The following CAP2 variants were observed in gnomAD, a reference collection of about 807,000 sequenced individuals.
The protein encoded by CAP2 is adenylyl cyclase-associated protein 2.
Under a neutral mutation model 57.7 loss-of-function variants are expected in CAP2, and 24 were observed. That is an observed-to-expected ratio of 0.42 (90% CI 0.30 to 0.58). The LOEUF (loss-of-function observed/expected upper bound fraction) is 0.58. Among genes scored for constraint, CAP2 ranks in the 20% least tolerant of loss-of-function variants. CAP2 has a pLI of 0.22. For synonymous variants in CAP2, 194 were observed against 207.2 expected, an observed-to-expected ratio of 0.94 and a Z score of 0.55; for missense variants, 501 against 590.3, an observed-to-expected ratio of 0.85 and a Z score of 1.57.
In CAP2 at chr6:17,513,595, C is replaced by A. The variant is rs1277808167; in HGVS notation, c.531-254C>A. Reference sequence around the variant, plus strand: ...AAGTCAGCTTAGCTCTGTCGGGTCCCCTCTCTGTGGTACCTCTGCTCCATA... The same window carrying A: ...AAGTCAGCTTAGCTCTGTCGGGTCCACTCTCTGTGGTACCTCTGCTCCATA... On this transcript the variant is annotated intron_variant, in intron 6 of 12. Transcript: ENST00000229922. This position sits in a 1 kb window ranked among gnomAD's most constrained non-coding sequence, Gnocchi z 4.3. 6.6e-6 allele frequency among the ~76,000 whole-genome samples: 1 copy of A among 152,078 alleles called. No homozygotes were observed. Among genetic ancestry groups the A allele is most frequent in the East Asian group, 1.9e-4 (1 of 5,170 alleles).
intron 11 of CAP2, among the ~76,000 whole-genome samples, chr6:17,550,246 AAAATAAAT>A (rs10629532): frequency 6.6e-6 from 1 of 151,230 alleles, no homozygotes; most frequent in Non-Finnish European, 1.5e-5. Context: ...ACTCTATCTC[AAAATAAAT>A]AAATAAATAA....
chr6:17,411,381 C>T (rs1468678721), intron 1 of CAP2, among the ~76,000 whole-genome samples: 1 of 152,130 alleles, frequency 6.6e-6, no homozygotes, highest in Non-Finnish European at 1.5e-5. Flanking sequence ...CAGTTTAAAC[C>T]AACTGTCCCA....
intron 7 of CAP2, among the ~76,000 whole-genome samples, chr6:17,527,392 A>G (rs1762535896): frequency 6.6e-6 from 1 of 152,128 alleles, no homozygotes; most frequent in Non-Finnish European, 1.5e-5. Flanking sequence ...ATTTAATTTT[A>G]TCTTTCCTTT....
chr6:17,471,551 G>C (rs955209905), intron 4 of CAP2, among the ~76,000 whole-genome samples: 2 of 152,182 alleles, frequency 1.3e-5, no homozygotes, highest in Non-Finnish European at 2.9e-5. Flanking sequence ...AAAAAAGTTA[G>C]GCCGGGCACG....
rs191765989 is a variant in CAP2, at chr6:17,478,003, A to G, written c.300+14930A>G. 3.3e-3 allele frequency among the ~76,000 whole-genome samples: 481 copies of G among 147,948 alleles called. 3 individuals carry two copies. Among genetic ancestry groups the G allele is most frequent in the African/African-American group, 0.011 (434 of 40,858 alleles). On this transcript the variant is annotated intron_variant, in intron 4 of 12. Transcript: ENST00000229922. The stretch of plus-strand genomic sequence containing the variant: ...TTTTCATATATATGAAATATATATA[A>G]TATATATAAATATATTAATTATATA...
At chr6:17,496,024 G>GGGC (rs1561804574) in intron 4 of CAP2, among the ~76,000 whole-genome samples, 1 of 115,716 alleles carries the variant, frequency 8.6e-6, no homozygotes, top group African/African-American at 3.3e-5. Context: ...ATGCGTGTGT[G>GGGC]GGTGGGGGGG....
intron 3 of CAP2, among the ~76,000 whole-genome samples, chr6:17,442,893 C>T (rs1341969030): frequency 6.6e-6 from 1 of 151,848 alleles, no homozygotes; most frequent in African/African-American, 2.4e-5. Context: ...AATTTTTCTG[C>T]GTTTAGTAGA....
At position 17,421,660 on chromosome 6, in the gene CAP2, C is replaced by T; in HGVS notation, c.105C>T (p.Val35=). 1.2e-6 allele frequency: 2 copies of T among 1,614,178 alleles called. No homozygotes were observed. Among genetic ancestry groups the T allele is most frequent in the Non-Finnish European group, 1.7e-6 (2 of 1,180,020 alleles). The change falls in exon 2 of 13, where the codon GTC becomes GTT. Residue 35 remains valine (V), a synonymous_variant. Transcript: ENST00000229922. ...GGCCCCCTGGGAACTGCGGGGAAGT[C>T]AATGGTGTCATTGCAGGTAGGGTCA... The part of the protein sequence containing the change: ...SHRPPGNCGE[V]NGVIAGVAPS...
At chr6:17,437,405 G>T (rs1330961124) in intron 3 of CAP2, among the ~76,000 whole-genome samples, 3 of 152,112 alleles carry the variant, frequency 2.0e-5, no homozygotes, top group Admixed American at 6.5e-5. Context: ...GCCTTCCATG[G>T]GGATATGCCT....
At chr6:17,506,147 C>T (rs920745611) in intron 4 of CAP2, among the ~76,000 whole-genome samples, 3 of 152,134 alleles carry the variant, frequency 2.0e-5, no homozygotes, top group Non-Finnish European at 2.9e-5. Context: ...GATCTTCCCG[C>T]CTAAGCCTCC....
intron 1 of CAP2, among the ~76,000 whole-genome samples, chr6:17,400,989 A>G (rs1197518185): frequency 2.0e-5 from 3 of 152,216 alleles, no homozygotes; most frequent in Non-Finnish European, 4.4e-5. Context: ...AGAACCAGGT[A>G]AAATAGGCTT....
chr6:17,496,035 G>GGGC (rs1554127028), intron 4 of CAP2, among the ~76,000 whole-genome samples: 2 of 130,658 alleles, frequency 1.5e-5, no homozygotes, highest in East Asian at 5.1e-4. Context: ...GGTGGGGGGG[G>GGGC]GGGGTAAGTC....
At chr6:17,470,100 C>A (rs1316514945) in intron 4 of CAP2, among the ~76,000 whole-genome samples, 2 of 152,172 alleles carry the variant, frequency 1.3e-5, no homozygotes, top group African/African-American at 4.8e-5. Context: ...ACATTTTCTA[C>A]TCATTAGCTC....
At position 17,553,780 on chromosome 6, in the gene CAP2, G is replaced by A. The variant is rs142182705; in HGVS notation, c.1350+2176G>A. Among the ~76,000 whole-genome samples, 219 of 152,224 alleles carry A rather than the reference G, an allele frequency of 1.4e-3. 2 individuals carry two copies. Among genetic ancestry groups the A allele is most frequent in the African/African-American group, 4.9e-3 (204 of 41,520 alleles). On this transcript the variant is annotated intron_variant, in intron 12 of 12. Coordinates refer to ENST00000229922, the MANE Select transcript of CAP2 (RefSeq NM_006366.3). The stretch of plus-strand genomic sequence containing the variant: ...TGGGAATGGATGGAGGAGATGATTC[G>A]TCCTGAAAGAAATTGGTCTCCCAGA...
intron 1 of CAP2, among the ~76,000 whole-genome samples, chr6:17,400,259 C>T (rs1034927515): frequency 1.3e-5 from 2 of 151,926 alleles, no homozygotes; most frequent in African/African-American, 2.4e-5. Flanking sequence ...ACAAAACAGA[C>T]CTGTAGTACA....
At chr6:17,511,412 G>A (rs1449247679) in intron 6 of CAP2, among the ~76,000 whole-genome samples, 18 of 152,104 alleles carry the variant, frequency 1.2e-4, no homozygotes, top group African/African-American at 4.1e-4. Context: ...TCTGTGCAAC[G>A]CTTACCACCA....
chr6:17,420,365 A>C (rs866432649), intron 1 of CAP2, among the ~76,000 whole-genome samples: 8 of 152,370 alleles, frequency 5.3e-5, no homozygotes, highest in Middle Eastern at 3.4e-3. Flanking sequence ...CCCTACATTC[A>C]GAATAATTAT....
At chr6:17,500,340 A>AATATATATATATATATATATATATATAT (rs4052821) in intron 4 of CAP2, among the ~76,000 whole-genome samples, 8 of 33,074 alleles carry the variant, frequency 2.4e-4, no homozygotes, top group South Asian at 1.4e-3. Flanking sequence ...TGTGTGTCCA[A>AATATATATATATATATATATATATATAT]ATATATATAT....
intron 4 of CAP2, among the ~76,000 whole-genome samples, chr6:17,466,684 T>A (rs906084852): frequency 6.6e-6 from 1 of 152,210 alleles, no homozygotes; most frequent in African/African-American, 2.4e-5. Context: ...GTGCTGCTGA[T>A]TTCTCACTAC....
Sources: allele counts gnomAD v4.1 joint callset (sites outside exome capture counted in the v4.1 genomes callset), GRCh38; gene constraint gnomAD v4.1.1; non-coding constraint Gnocchi (gnomAD v3.1); transcripts MANE v1.5; gene names NCBI Gene and HGNC (gene_info 2026-07-23, HGNC 2026-07-21).